Variants in ACTR3C observed in about 807,000 individuals in gnomAD.
ACTR3C encodes actin related protein 3C.
Under a neutral mutation model 26.3 loss-of-function variants are expected in ACTR3C, and 18 were observed. The observed-to-expected ratio is 0.68, with a 90% CI of 0.47 to 1.01. The LOEUF is 1.01. ACTR3C is among the 50% of genes least tolerant of loss of function. The probability of loss-of-function intolerance (pLI) is 0.00; values close to 1 mark genes in which losing one functional copy is unlikely to be tolerated. For missense variants in ACTR3C, 184 were observed against 250.7 expected (o/e 0.73, Z 1.80); for synonymous variants, 55 against 94.5 (o/e 0.58, Z 2.42).
the ACTR3C span, among the ~76,000 whole-genome samples, chr7:150,191,373 G>C: frequency 6.6e-6 from 1 of 152,074 alleles, no homozygotes; most frequent in Non-Finnish European, 1.5e-5. Context: ...CAATGATTTA[G>C]CTTTTTGTTA....
chr7:150,043,339 C>A, the ACTR3C span, among the ~76,000 whole-genome samples: 1 of 151,246 alleles, frequency 6.6e-6, no homozygotes, highest in Non-Finnish European at 1.5e-5. Context: ...TGTCTCCCCA[C>A]CCTGTGATGG....
chr7:150,015,711 T>C, the ACTR3C span, among the ~76,000 whole-genome samples: 4 of 152,186 alleles, frequency 2.6e-5, no homozygotes, highest in Admixed American at 2.0e-4. Context: ...CCACGGATCA[T>C]GAACCAAGGC....
the ACTR3C span, among the ~76,000 whole-genome samples, chr7:150,198,130 T>C: frequency 6.6e-6 from 1 of 151,016 alleles, no homozygotes; most frequent in Non-Finnish European, 1.5e-5. Context: ...GCAGACGGAG[T>C]CTGGTTCACT....
At chr7:150,144,996 G>C in the ACTR3C span, among the ~76,000 whole-genome samples, 2 of 150,344 alleles carry the variant, frequency 1.3e-5, no homozygotes, top group Admixed American at 6.7e-5. This position sits in a 1 kb window ranked among gnomAD's most constrained non-coding sequence, Gnocchi z 4.6. Context: ...CTTGCAGTGA[G>C]CTGAGATGGC....
At chr7:150,132,949 G>T in the ACTR3C span, among the ~76,000 whole-genome samples, 1 of 152,126 alleles carries the variant, frequency 6.6e-6, no homozygotes, top group Non-Finnish European at 1.5e-5. Flanking sequence ...ACCCTTTACA[G>T]ATAGGACTCA....
At chr7:150,033,615 C>G in the ACTR3C span, among the ~76,000 whole-genome samples, 2,130 of 119,760 alleles carry the variant, frequency 0.018, no homozygotes, top group Non-Finnish European at 0.023. Flanking sequence ...CCCCCCGCTG[C>G]AATGGGGGTC....
At chr7:150,296,653 A>G (rs903710216) in intron 1 of ACTR3C, among the ~76,000 whole-genome samples, 4 of 141,768 alleles carry the variant, frequency 2.8e-5, no homozygotes, top group Non-Finnish European at 6.1e-5. Context: ...ACCCTTTATT[A>G]TGAATGAACT....
chr7:150,232,428 CTTTA>C, the ACTR3C span, among the ~76,000 whole-genome samples: 1 of 151,684 alleles, frequency 6.6e-6, no homozygotes, highest in African/African-American at 2.4e-5. Context: ...TATATTTGTT[CTTTA>C]TTTTTTACTT....
chr7:150,055,197 C>T, the ACTR3C span, among the ~76,000 whole-genome samples: 3 of 152,332 alleles, frequency 2.0e-5, no homozygotes, highest in Non-Finnish European at 4.4e-5. Context: ...AATGCAGATT[C>T]GTGGGCCCTG....
chr7:149,931,866 G>C, the ACTR3C span, among the ~76,000 whole-genome samples: 1 of 152,160 alleles, frequency 6.6e-6, no homozygotes, highest in African/African-American at 2.4e-5. Context: ...GTGTTTTATG[G>C]TAGGATAAGG....
At chr7:150,023,154 T>TAGAG in the ACTR3C span, among the ~76,000 whole-genome samples, 3 of 73,224 alleles carry the variant, frequency 4.1e-5, no homozygotes, top group South Asian at 4.9e-4. Flanking sequence ...GATATCTATA[T>TAGAG]AGATATCTAT....
chr7:150,152,488 G>A, the ACTR3C span, among the ~76,000 whole-genome samples: 116 of 152,292 alleles, frequency 7.6e-4, 1 homozygote, highest in East Asian at 0.017. Context: ...CAGGGATGAA[G>A]CCCACTTGAT....
the ACTR3C span, among the ~76,000 whole-genome samples, chr7:150,003,939 C>T: frequency 1.6e-4 from 23 of 147,544 alleles, no homozygotes; most frequent in Admixed American, 8.7e-4. Flanking sequence ...GGTTGTGTGG[C>T]ATGTGGTGTG....
the ACTR3C span, among the ~76,000 whole-genome samples, chr7:149,992,582 T>G: frequency 6.6e-6 from 1 of 152,170 alleles, no homozygotes; most frequent in Non-Finnish European, 1.5e-5. Flanking sequence ...TGATTATCCA[T>G]CAGCTACAGG....
chr7:150,268,284 A>C (rs1268125818), intron 6 of ACTR3C, among the ~76,000 whole-genome samples: 1 of 148,038 alleles, frequency 6.8e-6, no homozygotes, highest in Non-Finnish European at 1.5e-5. Flanking sequence ...AACAATATGC[A>C]CTATACTTCC....
chr7:149,972,801 C>T, the ACTR3C span, among the ~76,000 whole-genome samples: 1 of 152,158 alleles, frequency 6.6e-6, no homozygotes, highest in Admixed American at 6.5e-5. Context: ...ACTTCATTCC[C>T]AGGTAAGCCC....
the ACTR3C span, among the ~76,000 whole-genome samples, chr7:150,126,625 T>C: frequency 7.2e-5 from 11 of 152,338 alleles, no homozygotes; most frequent in Admixed American, 5.9e-4. Context: ...CCATCAAGGA[T>C]GCAATCCTGC....
the ACTR3C span, among the ~76,000 whole-genome samples, chr7:150,037,874 A>C: frequency 6.3e-5 from 7 of 110,358 alleles, no homozygotes; most frequent in African/African-American, 2.1e-4. Flanking sequence ...TGGGGGTCCT[A>C]AGAGCAAAGG....
the ACTR3C span, among the ~76,000 whole-genome samples, chr7:150,164,848 C>T: frequency 5.1e-4 from 78 of 152,236 alleles, no homozygotes; most frequent in African/African-American, 1.8e-3. Flanking sequence ...ACAAGGAAGG[C>T]CCCTTAAATA....
Sources: allele counts gnomAD v4.1 joint callset (sites outside exome capture counted in the v4.1 genomes callset), GRCh38; gene constraint gnomAD v4.1.1; non-coding constraint Gnocchi (gnomAD v3.1); transcripts MANE v1.5; gene names NCBI Gene and HGNC (gene_info 2026-07-23, HGNC 2026-07-21).